The following PABIR3 variants were observed in gnomAD, a reference collection of about 807,000 sequenced individuals.
PABIR3 encodes the protein PABIR family member 1.
Under a neutral mutation model 23.1 loss-of-function variants are expected in PABIR3, and 20 were observed. The ratio of observed to expected loss-of-function variants is 0.86; its 90% CI spans 0.61 to 1.26. The LOEUF (loss-of-function observed/expected upper bound fraction) is 1.26, where lower values mean the gene tolerates loss of function less well. PABIR3 is among the 50% of genes most tolerant of loss of function. The pLI, the probability that PABIR3 is intolerant of heterozygous loss-of-function variation, is 0.00. For missense variants in PABIR3, 189 were observed against 195.4 expected, an observed-to-expected ratio of 0.97 and a Z score of 0.20; for synonymous variants, 69 against 68.5, an observed-to-expected ratio of 1.01 and a Z score of -0.04.
At chrX:134,796,515 TGGAGGGA>T (rs1461378114), upstream of PABIR3, 1 of 179,457 alleles carries the variant, frequency 5.6e-6, no homozygotes, top group Non-Finnish European at 1.0e-5. Context: ...AAAACAAGGA[TGGAGGGA>T]GGAGGGAAGA....
intron 3 of PABIR3, among the ~76,000 whole-genome samples, chrX:134,820,034 CAG>C (rs1955688295): frequency 9.0e-6 from 1 of 111,658 alleles, no homozygotes; most frequent in Admixed American, 9.6e-5. Context: ...ATGACATCAT[CAG>C]AGACCCAGGT....
chrX:134,821,600 T>C, intron 3 of PABIR3: 5 of 1,137,331 alleles, frequency 4.4e-6, no homozygotes, highest in Non-Finnish European at 5.8e-6. Flanking sequence ...CTTGAGCAAT[T>C]CATCTGTTCT....
intron 1 of PABIR3, 53 bp downstream of exon 1, chrX:134,807,394 G>C: frequency 2.0e-6 from 2 of 994,514 alleles, no homozygotes; most frequent in South Asian, 4.1e-5. Context: ...TAGGCGGTTC[G>C]GAGCCAGTTC....
At chrX:134,856,932 A>G (rs2082753177), downstream of PABIR3, among the ~76,000 whole-genome samples, 1 of 111,177 alleles carries the variant, frequency 9.0e-6, no homozygotes, top group Non-Finnish European at 1.9e-5. Flanking sequence ...GAATCGCTGG[A>G]ACCCGGCAGG....
chrX:134,847,066 A>G (rs1330436025), intron 6 of PABIR3, among the ~76,000 whole-genome samples: 1 of 112,244 alleles, frequency 8.9e-6, no homozygotes, highest in African/African-American at 3.2e-5. Flanking sequence ...AACAAAGCAC[A>G]GGTCAAAGCC....
intron 2 of PABIR3, chrX:134,810,027 T>G (rs959646365): frequency 2.7e-6 from 2 of 752,732 alleles, no homozygotes; most frequent in Admixed American, 1.8e-4. Flanking sequence ...AATTCTGTTG[T>G]GGGAAAAAGG....
Position 134,852,838 on chromosome X carries a change from C to T in PABIR3, c.628C>T (p.Gln210Ter). 2.6e-6 allele frequency: 3 copies of T among 1,138,530 alleles called. No homozygotes were observed. In the South Asian group the frequency reaches 6.1e-5, roughly 23 times the overall value. The allele number at this position is 1,138,530 out of a possible 1,213,427, so 93.8% of individuals were successfully genotyped here. A position where few individuals can be genotyped will look rare whatever the true frequency, so the allele number is the denominator to read the frequency against. The change falls in exon 10 of 11, where the codon CAA (glutamine) becomes TAA (stop). Residue 210 changes from glutamine to a stop codon, truncating the protein, a stop_gained. Transcript: ENST00000645433. LOFTEE classifies it high-confidence loss of function. ...AFQYQPKKIFQGTTNMLSSDT... is the reference protein window; with the variant it reads ...AFQYQPKKIF ...TCAATATCAACCAAAAAAGATTTTC[C>T]AAGGCACAACCAACATGCTTTCTTC...
chrX:134,817,917 G>T (rs970737291), intron 3 of PABIR3, among the ~76,000 whole-genome samples: 18 of 111,670 alleles, frequency 1.6e-4, no homozygotes, highest in African/African-American at 5.5e-4. Context: ...AAGAAGATCA[G>T]ATAGGCTACT....
chrX:134,840,087 G>A (rs1405825756), intron 4 of PABIR3, among the ~76,000 whole-genome samples: 1 of 112,029 alleles, frequency 8.9e-6, no homozygotes, highest in Non-Finnish European at 1.9e-5. Context: ...TGAAACATGT[G>A]CTGTGTCCAC....
At chrX:134,863,566 T>C in the PABIR3 span, among the ~76,000 whole-genome samples, 3 of 111,780 alleles carry the variant, frequency 2.7e-5, no homozygotes, top group Admixed American at 1.9e-4. Flanking sequence ...TTTTTCTGGC[T>C]TTTGATCAAC....
intron 8 of PABIR3, among the ~76,000 whole-genome samples, chrX:134,848,344 C>T (rs2082505736): frequency 9.2e-6 from 1 of 108,236 alleles, no homozygotes; most frequent in South Asian, 4.0e-4. Context: ...GAGCTGAGAT[C>T]GTGCCATTGC....
chrX:134,842,874 G>A (rs1007755645), intron 4 of PABIR3, among the ~76,000 whole-genome samples: 2 of 105,863 alleles, frequency 1.9e-5, no homozygotes, highest in Admixed American at 2.0e-4. Flanking sequence ...CTCCAGCCTG[G>A]GCAACAGGAG....
the PABIR3 span, among the ~76,000 whole-genome samples, chrX:134,860,026 T>C: frequency 9.0e-6 from 1 of 111,568 alleles, no homozygotes; most frequent in East Asian, 2.8e-4. Flanking sequence ...GAGTGGGGTC[T>C]TTGGAAAGGA....
intron 3 of PABIR3, among the ~76,000 whole-genome samples, chrX:134,819,030 G>A (rs761821467): frequency 4.1e-4 from 42 of 103,288 alleles, no homozygotes; most frequent in Non-Finnish European, 1.4e-4. Flanking sequence ...TTCGCCTCCT[G>A]GGTTCAAGCG....
intron 8 of PABIR3, among the ~76,000 whole-genome samples, chrX:134,848,912 A>G (rs1330453671): frequency 8.9e-6 from 1 of 111,876 alleles, no homozygotes; most frequent in Non-Finnish European, 1.9e-5. Flanking sequence ...CTGAGGCAGG[A>G]GAATCACTTG....
chrX:134,859,490 A>G (rs919705176), downstream of PABIR3, among the ~76,000 whole-genome samples: 1 of 111,394 alleles, frequency 9.0e-6, no homozygotes, highest in African/African-American at 3.3e-5. Context: ...CAGGATTTCC[A>G]TATTAATAAC....
intron 1 of PABIR3, 57 bp from the exon 2 acceptor site, chrX:134,807,483 C>T: frequency 3.5e-6 from 4 of 1,148,660 alleles, no homozygotes; most frequent in Non-Finnish European, 4.6e-6. Flanking sequence ...AGAGCTTTCT[C>T]CTCTCTTCTC....
At chrX:134,830,758 A>G (rs2081745610) in intron 4 of PABIR3, among the ~76,000 whole-genome samples, 1 of 111,625 alleles carries the variant, frequency 9.0e-6, no homozygotes, top group African/African-American at 3.3e-5. Flanking sequence ...TATCTGTGCA[A>G]TATGTTTCTT....
intron 2 of PABIR3, among the ~76,000 whole-genome samples, chrX:134,808,332 G>A (rs1259638501): frequency 9.1e-6 from 1 of 109,541 alleles, no homozygotes; most frequent in East Asian, 2.9e-4. Flanking sequence ...TAGGATTACA[G>A]GCGCCCACCA....
Sources: allele counts gnomAD v4.1 joint callset (sites outside exome capture counted in the v4.1 genomes callset), GRCh38; gene constraint gnomAD v4.1.1; transcripts MANE v1.5; gene names NCBI Gene and HGNC (gene_info 2026-07-23, HGNC 2026-07-21).